The following NOL10 variants were observed in gnomAD, a reference collection of about 807,000 sequenced individuals.
The protein encoded by NOL10 is H_NH0074G24.1.
NOL10 carries 58 observed loss-of-function variants against 103.5 expected under a neutral mutation model. The observed-to-expected ratio is 0.56, with a 90% CI of 0.45 to 0.70. NOL10 has a LOEUF of 0.70. NOL10 is among the 30% of genes least tolerant of loss of function. NOL10 has a pLI of 0.00. For synonymous variants in NOL10, 287 were observed against 282.5 expected, an observed-to-expected ratio of 1.02 and a Z score of -0.16; for missense variants, 763 against 807.3, an observed-to-expected ratio of 0.95 and a Z score of 0.67.
At chr2:10,633,268 T>G (rs1187953707) in intron 13 of NOL10, among the ~76,000 whole-genome samples, 3 of 152,118 alleles carry the variant, frequency 2.0e-5, no homozygotes, top group Non-Finnish European at 4.4e-5. Context: ...GTTCTCACCA[T>G]GTTGCCCAAG....
intron 20 of NOL10, 95 bp from the exon 21 acceptor site, chr2:10,572,285 C>A: frequency 7.6e-7 from 1 of 1,312,854 alleles, no homozygotes; most frequent in Non-Finnish European, 1.1e-6. Context: ...CACCACCAAT[C>A]TCAGAACTGC....
chr2:10,663,050 C>CAAATGAAAAACAATTTT lies in NOL10; in HGVS notation c.592-23_592-7dup. The CAAATGAAAAACAATTTT allele has an allele frequency of 6.2e-7, 1 of 1,612,158 alleles. No homozygotes were observed. The highest frequency in any genetic ancestry group is 8.5e-7 in the Non-Finnish European group (1 of 1,178,476). On this transcript the variant is annotated splice_region_variant and splice_polypyrimidine_tract_variant and intron_variant, in intron 8 of 20. Coordinates refer to ENST00000381685, the MANE Select transcript of NOL10 (RefSeq NM_024894.4). ...TCCCAGCACTCCACTCTACCCTATG[C>CAAATGAAAAACAATTTT]AAATGAAAAACAATTTTAAATAAAA...
intron 3 of NOL10, 114 bp from the exon 4 acceptor site, chr2:10,675,985 T>A: frequency 2.0e-6 from 1 of 502,232 alleles, no homozygotes; most frequent in South Asian, 5.7e-5. Flanking sequence ...TGTAACCAAA[T>A]CAAAAGAAAG....
At chr2:10,674,254 G>T (rs373179757) in intron 4 of NOL10, among the ~76,000 whole-genome samples, 2 of 151,714 alleles carry the variant, frequency 1.3e-5, no homozygotes, top group Non-Finnish European at 2.9e-5. Flanking sequence ...AACAAAGGGT[G>T]AAACAAGTTG....
chr2:10,657,666 AAGGAAAGGGAG>A, intron 11 of NOL10, 65 bp downstream of exon 11: 1 of 1,291,944 alleles, frequency 7.7e-7, no homozygotes. Context: ...CCACATAAAA[AAGGAAAGGGAG>A]AGGAAAGGAT....
At chr2:10,682,741 T>C (rs1681867290) in intron 2 of NOL10, among the ~76,000 whole-genome samples, 1 of 151,690 alleles carries the variant, frequency 6.6e-6, no homozygotes, top group African/African-American at 2.4e-5. Context: ...AAGACAAAAA[T>C]CCAACTTTTT....
chr2:10,625,049 C>A (rs1677373556), intron 13 of NOL10, among the ~76,000 whole-genome samples: 1 of 152,120 alleles, frequency 6.6e-6, no homozygotes, highest in Non-Finnish European at 1.5e-5. Context: ...ATGATTTCAG[C>A]TATATGACAT....
chr2:10,665,235 T>C (rs1191540524), intron 8 of NOL10, among the ~76,000 whole-genome samples: 2 of 152,120 alleles, frequency 1.3e-5, no homozygotes, highest in African/African-American at 2.4e-5. Context: ...TTTATGGACA[T>C]AAAAAAGAAA....
At chr2:10,638,330 G>GACGTGACGTGACGTA (rs1553306407) in intron 13 of NOL10, among the ~76,000 whole-genome samples, 8 of 92,824 alleles carry the variant, frequency 8.6e-5, no homozygotes, top group East Asian at 7.9e-4. Context: ...GACGTGACGT[G>GACGTGACGTGACGTA]ACGTAACGTA....
rs761183769 is a variant in NOL10, at chr2:10,659,245, T to A, written c.683A>T (p.Asn228Ile). The change falls in exon 10 of 21, where the codon AAC (asparagine) becomes ATC (isoleucine). Residue 228 changes from asparagine to isoleucine, a missense_variant. Physicochemically the swap from Asn to Ile is moderately radical, Grantham distance 149 (BLOSUM62 -3). Coordinates refer to ENST00000381685, the MANE Select transcript of NOL10 (RefSeq NM_024894.4). ...LNSVTADSEINSLPTISALKF... is the reference protein window; with the variant it reads ...LNSVTADSEIISLPTISALKF... ...CAAAGCAGAGATTGTTGGTAAACTGTTTATCCTGAAAAGCAAAATATTCAT... is the reference window on the plus strand; with the variant it reads ...CAAAGCAGAGATTGTTGGTAAACTGATTATCCTGAAAAGCAAAATATTCAT... 2 of 1,590,320 alleles carry A rather than the reference T, an allele frequency of 1.3e-6. No individual in the cohort carries two copies. Among genetic ancestry groups the A allele is most frequent in the South Asian group, 2.3e-5 (2 of 87,680 alleles).
At chr2:10,601,366 C>T (rs1171873916) in intron 16 of NOL10, among the ~76,000 whole-genome samples, 1 of 152,106 alleles carries the variant, frequency 6.6e-6, no homozygotes, top group Non-Finnish European at 1.5e-5. Flanking sequence ...GCCCAGCCAA[C>T]TAATTCGTAT....
chr2:10,627,131 C>T (rs1677520854), intron 13 of NOL10, among the ~76,000 whole-genome samples: 1 of 152,186 alleles, frequency 6.6e-6, no homozygotes, highest in African/African-American at 2.4e-5. Flanking sequence ...TCACAAACAA[C>T]TTGTTTGTCT....
At chr2:10,678,838 T>C (rs1421459048) in intron 3 of NOL10, among the ~76,000 whole-genome samples, 2 of 152,118 alleles carry the variant, frequency 1.3e-5, no homozygotes, top group Non-Finnish European at 1.5e-5. Flanking sequence ...TCTAGGAAAG[T>C]CAAACCAGGA....
intron 13 of NOL10, among the ~76,000 whole-genome samples, chr2:10,630,776 G>C (rs1185047949): frequency 6.6e-6 from 1 of 152,114 alleles, no homozygotes; most frequent in African/African-American, 2.4e-5. Flanking sequence ...TTAAGGGCTG[G>C]ACTAGATGAC....
At chr2:10,671,529 G>A in intron 6 of NOL10, 25 bp downstream of exon 6, 1 of 1,530,624 alleles carries the variant, frequency 6.5e-7, no homozygotes, top group Non-Finnish European at 8.8e-7. Flanking sequence ...AGGTGAAAAG[G>A]AGAAAAAGGG....
chr2:10,662,501 T>G (rs1042255228), intron 9 of NOL10, among the ~76,000 whole-genome samples: 6 of 152,216 alleles, frequency 3.9e-5, no homozygotes, highest in African/African-American at 1.2e-4. Flanking sequence ...GTATCATTTC[T>G]CAGGAAATAA....
At chr2:10,618,034 GTTT>G (rs36205939) in intron 13 of NOL10, among the ~76,000 whole-genome samples, 57,063 of 145,690 alleles carry the variant, frequency 0.39, 11,383 homozygotes, top group African/African-American at 0.45. Flanking sequence ...TACACTTCAT[GTTT>G]TTTTTTTTTT....
chr2:10,606,397 G>A (rs1676259973), intron 14 of NOL10, among the ~76,000 whole-genome samples: 3 of 151,970 alleles, frequency 2.0e-5, no homozygotes, highest in Admixed American at 2.0e-4. Context: ...GGCTGAGGTG[G>A]GTGGATCACC....
rs1281076940 is a variant in NOL10 at position 10,667,268 on chromosome 2, C to T, written c.541G>A (p.Val181Ile). The change falls in exon 8 of 21, where the codon GTT (valine) becomes ATT (isoleucine). Residue 181 changes from valine to isoleucine, a missense_variant. Val to Ile is a conservative substitution (Grantham distance 29). Coordinates refer to ENST00000381685, the MANE Select transcript of NOL10 (RefSeq NM_024894.4). ...CCATGCACTGAATTTATGTCACAAA[C>T]ATTATTCTCCCTAACACAGGAAAGC... ...PLQTDAAENN[V>I]CDINSVHGLF... The T allele has an allele frequency of 6.3e-7, 1 of 1,585,372 alleles. No homozygotes were observed. The highest frequency in any genetic ancestry group is 1.3e-5 in the African/African-American group (1 of 74,522).
Sources: allele counts gnomAD v4.1 joint callset (sites outside exome capture counted in the v4.1 genomes callset), GRCh38; gene constraint gnomAD v4.1.1; transcripts MANE v1.5; gene names NCBI Gene and HGNC (gene_info 2026-07-23, HGNC 2026-07-21).